The following ZMYND8 variants were observed in gnomAD, a reference collection of about 807,000 sequenced individuals.
The protein encoded by ZMYND8 is MYND-type zinc finger-containing chromatin reader ZMYND8.
In ZMYND8, 37 loss-of-function variants were observed where a neutral mutation model predicts 140.8. The observed-to-expected ratio is 0.26, with a 90% CI of 0.20 to 0.35. ZMYND8 has a LOEUF of 0.35. Ranked by LOEUF, ZMYND8 falls within the 10% of genes least tolerant of loss-of-function variation. ZMYND8 has a pLI of 1.00. For synonymous variants in ZMYND8, 592 were observed against 597.1 expected, an observed-to-expected ratio of 0.99 and a Z score of 0.12; for missense variants, 1,068 against 1,570.0, an observed-to-expected ratio of 0.68 and a Z score of 5.40.
At chr20:47,348,112 A>C (rs954851356) in intron 1 of ZMYND8, 186 bp from the exon 2 acceptor site, 6 of 639,734 alleles carry the variant, frequency 9.4e-6, no homozygotes, top group Non-Finnish European at 1.7e-5. Context: ...GTTTTTTAAA[A>C]CACTAGGTTG....
At position 47,267,769 on chromosome 20, in the gene ZMYND8, G is replaced by A. The variant is rs79266811; in HGVS notation, c.1481-5341C>T. On this transcript the variant is annotated intron_variant, in intron 11 of 22. Coordinates refer to ENST00000471951, the MANE Select transcript of ZMYND8 (RefSeq NM_001281775.3). ...TTCCTTTCTACCTCCTGGAATGTCC[G>A]GCCACAGTGACCTGAGGGCCACCCT... is the stretch of plus-strand genomic sequence containing the variant. Among the ~76,000 whole-genome samples the A allele has an allele frequency of 1.8e-3, 268 of 152,204 alleles. 1 individual carries two copies. The highest frequency in any genetic ancestry group is 6.1e-3 in the African/African-American group (255 of 41,540).
chr20:47,314,012 C>T lies in ZMYND8; in HGVS notation c.86-3808G>A, dbSNP rs542915324. On this transcript the variant is annotated intron_variant, in intron 2 of 22. Transcript: ENST00000471951. The stretch of plus-strand genomic sequence containing the variant: ...CTCCCAAAAAAAGATTTAATATACA[C>T]ATCAATGTTTGCATAAACCTAGAAT... Among the ~76,000 whole-genome samples, 7 of 152,280 alleles carry T rather than the reference C, an allele frequency of 4.6e-5. No individual in the cohort carries two copies. In the South Asian group the frequency reaches 1.5e-3, roughly 32 times the overall value.
At chr20:47,287,725 C>T (rs915024948) in intron 7 of ZMYND8, among the ~76,000 whole-genome samples, 1 of 152,138 alleles carries the variant, frequency 6.6e-6, no homozygotes, top group African/African-American at 2.4e-5. Context: ...AGTGTGGTGG[C>T]TCATGCCTGT....
chr20:47,284,908 A>G (rs1050386726), intron 8 of ZMYND8, among the ~76,000 whole-genome samples: 2 of 152,134 alleles, frequency 1.3e-5, no homozygotes, highest in Admixed American at 1.3e-4. Context: ...TGAAGAGAAA[A>G]AAAAGCAGCA....
At chr20:47,289,551 A>C (rs1293972934) in intron 7 of ZMYND8, among the ~76,000 whole-genome samples, 1 of 152,186 alleles carries the variant, frequency 6.6e-6, no homozygotes, top group Non-Finnish European at 1.5e-5. Flanking sequence ...AGCTAAGAAC[A>C]ACCCAAATAT....
intron 21 of ZMYND8, among the ~76,000 whole-genome samples, chr20:47,219,054 A>ATTTTTTTTT (rs2036539916): frequency 1.1e-5 from 1 of 88,962 alleles, no homozygotes; most frequent in African/African-American, 4.5e-5. Context: ...CCGTTTCTAC[A>ATTTTTTTTT]ATTTTTTTTT....
chr20:47,263,967 C>T (rs2075326683), intron 11 of ZMYND8, among the ~76,000 whole-genome samples: 1 of 152,204 alleles, frequency 6.6e-6, no homozygotes, highest in Non-Finnish European at 1.5e-5. Flanking sequence ...CCAGGGCACA[C>T]TGGGCATTGC....
chr20:47,342,610 C>T (rs2081989839), intron 2 of ZMYND8, among the ~76,000 whole-genome samples: 1 of 150,748 alleles, frequency 6.6e-6, no homozygotes, highest in Non-Finnish European at 1.5e-5. Context: ...CTTTGGGAGG[C>T]TGAGGCAGGC....
At position 47,313,418 on chromosome 20, in the gene ZMYND8, C is replaced by G. The variant is rs373069936; in HGVS notation, c.86-3214G>C. 2.2e-4 allele frequency among the ~76,000 whole-genome samples: 33 copies of G among 151,108 alleles called. 1 individual carries two copies. In the South Asian group the frequency reaches 2.7e-3, roughly 12 times the overall value. ...CGGGCGGATTACAAAGTCAGGAGATCGAGACCATCCTGGCTAACATGGTGA... is the reference window on the plus strand; with the variant it reads ...CGGGCGGATTACAAAGTCAGGAGATGGAGACCATCCTGGCTAACATGGTGA... On this transcript the variant is annotated intron_variant, in intron 2 of 22. Coordinates refer to ENST00000471951, the MANE Select transcript of ZMYND8 (RefSeq NM_001281775.3).
rs769401482 is a variant in ZMYND8, at chr20:47,220,244, AG to A, written c.3484+13del. On this transcript the variant is annotated intron_variant, in intron 21 of 22. Transcript: ENST00000471951. ...AATGTGAAAGCACCGTTCGCCCACC[AG>A]GGGGCAACATACCAGAGCCTTGGTT... 1.3e-6 allele frequency: 2 copies of A among 1,555,652 alleles called. No individual in the cohort carries two copies. Among genetic ancestry groups the A allele is most frequent in the Non-Finnish European group, 1.7e-6 (2 of 1,148,436 alleles).
intron 2 of ZMYND8, among the ~76,000 whole-genome samples, chr20:47,327,687 A>G (rs1360799985): frequency 6.6e-6 from 1 of 152,074 alleles, no homozygotes; most frequent in Non-Finnish European, 1.5e-5. Flanking sequence ...ATCCCTCCAC[A>G]TAGGGCCCCC....
chr20:47,236,587 A>G, intron 15 of ZMYND8, 71 bp from the exon 16 acceptor site: 11 of 1,422,060 alleles, frequency 7.7e-6, no homozygotes, highest in Non-Finnish European at 1.0e-5. Context: ...GTGGTGTAGA[A>G]GCAAAGCCCC....
In ZMYND8 at chr20:47,216,495, C is replaced by CAAAAAAAAAAAA. The variant is rs10536216; in HGVS notation, c.3484+3751_3484+3762dup. ...GGACAACAGAGCGAAGACTCTGTCT[C>CAAAAAAAAAAAA]AAAAAAAAAAAAAAAAAAAAAAAGG... is the stretch of plus-strand genomic sequence containing the variant. On this transcript the variant is annotated intron_variant, in intron 21 of 22. Transcript: ENST00000471951. 2.1e-3 allele frequency among the ~76,000 whole-genome samples: 125 copies of CAAAAAAAAAAAA among 59,434 alleles called. 7 individuals are homozygous for CAAAAAAAAAAAA. Among genetic ancestry groups the CAAAAAAAAAAAA allele is most frequent in the African/African-American group, 7.4e-3 (121 of 16,346 alleles). 39.0% of individuals were successfully genotyped at this position (59,434 alleles called of 152,430 possible).
intron 2 of ZMYND8, among the ~76,000 whole-genome samples, chr20:47,323,262 A>C (rs2080122689): frequency 6.6e-6 from 1 of 151,878 alleles, no homozygotes; most frequent in Admixed American, 6.6e-5. Flanking sequence ...TTTTTGGGGG[A>C]GACAGGGACT....
At chr20:47,281,742 A>G (rs1296131639) in intron 10 of ZMYND8, among the ~76,000 whole-genome samples, 1 of 152,210 alleles carries the variant, frequency 6.6e-6, no homozygotes, top group Admixed American at 6.5e-5. Context: ...CTTTGAAAGA[A>G]TGATTTGGAA....
chr20:47,276,417 A>G lies in ZMYND8; in HGVS notation c.1377T>C (p.Ser459=), dbSNP rs1310073768. The G allele has an allele frequency of 6.2e-7, 1 of 1,613,742 alleles. No homozygotes were observed. Among genetic ancestry groups the G allele is most frequent in the Non-Finnish European group, 8.5e-7 (1 of 1,179,782 alleles). Residue 459 remains serine (S), a synonymous_variant, in exon 11 of 23, where the codon TCT becomes TCC. Coordinates refer to ENST00000471951, the MANE Select transcript of ZMYND8 (RefSeq NM_001281775.3). ...MPRSPMSTNS[S]VHTGSDVEQD... is the part of the protein sequence containing the mutation. ...GCTCCACGTCGGAGCCCGTGTGCACAGAAGAGTTTGTGCTCATGGGGGAGC... is the reference window on the plus strand; with the variant it reads ...GCTCCACGTCGGAGCCCGTGTGCACGGAAGAGTTTGTGCTCATGGGGGAGC...
intron 11 of ZMYND8, among the ~76,000 whole-genome samples, chr20:47,267,823 C>G (rs888062437): frequency 2.6e-5 from 4 of 152,242 alleles, no homozygotes; most frequent in Non-Finnish European, 4.4e-5. Flanking sequence ...ACACCTCAAG[C>G]CTTTGTGCCT....
At chr20:47,290,678 A>G (rs560087211) in intron 6 of ZMYND8, among the ~76,000 whole-genome samples, 1 of 126,412 alleles carries the variant, frequency 7.9e-6, no homozygotes, top group South Asian at 2.5e-4. Context: ...TGCAACCTCC[A>G]CCTCCCGGGT....
intron 17 of ZMYND8, 40 bp from the exon 18 acceptor site, chr20:47,227,321 T>C (rs2147024158): frequency 6.2e-7 from 1 of 1,604,648 alleles, no homozygotes; most frequent in Non-Finnish European, 8.5e-7. Flanking sequence ...AGCTGTCTCA[T>C]GCAGTTCACC....
Sources: allele counts gnomAD v4.1 joint callset (sites outside exome capture counted in the v4.1 genomes callset), GRCh38; gene constraint gnomAD v4.1.1; transcripts MANE v1.5; gene names NCBI Gene and HGNC (gene_info 2026-07-23, HGNC 2026-07-21).